Variants in MSR1 observed in about 807,000 individuals in gnomAD.
MSR1 encodes macrophage scavenger receptor 1.
A neutral mutation model predicts 47.2 loss-of-function variants in MSR1; 53 were observed. The observed-to-expected ratio is 1.12, with a 90% CI of 0.90 to 1.41. The LOEUF is 1.41. MSR1 is among the 40% of genes most tolerant of loss of function. The pLI, the probability that MSR1 is intolerant of heterozygous loss-of-function variation, is 0.00. For synonymous variants in MSR1, 239 were observed against 185.6 expected (o/e 1.29, Z -2.34); for missense variants, 786 against 546.9 (o/e 1.44, Z -4.36).
intron 6 of MSR1, among the ~76,000 whole-genome samples, chr8:16,154,560 A>G (rs1400748768): frequency 6.6e-6 from 1 of 151,968 alleles, no homozygotes; most frequent in East Asian, 1.9e-4. Context: ...GTTTAAACAG[A>G]TATATTCCAA....
chr8:16,156,116 G>A (rs137867860), intron 5 of MSR1, among the ~76,000 whole-genome samples: 1 of 151,874 alleles, frequency 6.6e-6, no homozygotes, highest in South Asian at 2.1e-4. Flanking sequence ...ATCTAAAGAA[G>A]AGCACTTAGT....
intron 8 of MSR1, among the ~76,000 whole-genome samples, chr8:16,138,088 T>G (rs7844220): frequency 1.3e-5 from 2 of 151,896 alleles, no homozygotes; most frequent in Non-Finnish European, 2.9e-5. Flanking sequence ...TCATTTAAGA[T>G]TGAGCTGAGT....
intron 1 of MSR1, among the ~76,000 whole-genome samples, chr8:16,189,473 ATATTTTATATATAAAATCT>A (rs1474084046): frequency 0.02 from 6 of 306 alleles, 1 homozygote; most frequent in East Asian, 0.062. Context: ...TATATTTTAT[ATATTTTATATATAAAATCT>A]TATTTTATAT....
At chr8:16,140,533 T>C (rs1251124058) in intron 8 of MSR1, 2 of 998,264 alleles carry the variant, frequency 2.0e-6, no homozygotes, top group African/African-American at 3.5e-5. Context: ...GTAATTGAGA[T>C]ATTTAGGACA....
At chr8:16,189,389 TTATTTTATATATATTTTATATA>T (rs1293904803) in intron 1 of MSR1, among the ~76,000 whole-genome samples, 1 of 90,164 alleles carries the variant, frequency 1.1e-5, no homozygotes, top group Non-Finnish European at 1.8e-5. Flanking sequence ...ATATAAAATC[TTATTTTATATATATTTTATATA>T]TATTTTATAT....
chr8:16,166,413 G>A (rs958212784), intron 4 of MSR1, among the ~76,000 whole-genome samples: 5 of 151,374 alleles, frequency 3.3e-5, no homozygotes, highest in Admixed American at 2.6e-4. Flanking sequence ...CACCCACCTC[G>A]GCCTCCCAAA....
chr8:16,159,425 C>A (rs1250598050), intron 5 of MSR1, among the ~76,000 whole-genome samples: 1 of 151,820 alleles, frequency 6.6e-6, no homozygotes. Flanking sequence ...TTCTTTAAGG[C>A]TCTAATTATT....
At chr8:16,153,253 C>T (rs1800910420) in intron 6 of MSR1, among the ~76,000 whole-genome samples, 1 of 151,954 alleles carries the variant, frequency 6.6e-6, no homozygotes, top group Non-Finnish European at 1.5e-5. Context: ...CTCTTTGCTT[C>T]CTGATTTCGG....
chr8:16,160,358 G>C (rs544055540), intron 5 of MSR1, among the ~76,000 whole-genome samples: 2 of 152,002 alleles, frequency 1.3e-5, no homozygotes, highest in East Asian at 3.9e-4. Context: ...GAATGACACT[G>C]CTATTATAGA....
At chr8:16,173,918 G>A (rs1206426316) in intron 3 of MSR1, among the ~76,000 whole-genome samples, 1 of 152,070 alleles carries the variant, frequency 6.6e-6, no homozygotes, top group Non-Finnish European at 1.5e-5. Flanking sequence ...CAAAGTGCTG[G>A]GATTACAGGC....
At chr8:16,166,309 T>A (rs1801307985) in intron 4 of MSR1, among the ~76,000 whole-genome samples, 1 of 148,210 alleles carries the variant, frequency 6.7e-6, no homozygotes, top group Admixed American at 6.8e-5. Context: ...AGGTGCACAC[T>A]ACCACACCTG....
intron 9 of MSR1, among the ~76,000 whole-genome samples, chr8:16,112,878 T>A (rs545659399): frequency 6.6e-6 from 1 of 151,734 alleles, no homozygotes; most frequent in Admixed American, 6.6e-5. Flanking sequence ...GCCATATATA[T>A]ATCTATGATT....
chr8:16,136,143 G>C (rs75566898), intron 8 of MSR1, among the ~76,000 whole-genome samples: 3,255 of 152,198 alleles, frequency 0.021, 100 homozygotes, highest in South Asian at 0.1. Context: ...TTTGAAAGAA[G>C]TTCTAAAGTG....
At chr8:16,148,053 C>A (rs1800747884) in intron 7 of MSR1, among the ~76,000 whole-genome samples, 1 of 152,112 alleles carries the variant, frequency 6.6e-6, no homozygotes, top group African/African-American at 2.4e-5. Context: ...TTTAGAAATA[C>A]AAACCTAAAG....
chr8:16,138,852 G>A (rs1395550603), intron 8 of MSR1, among the ~76,000 whole-genome samples: 1 of 152,144 alleles, frequency 6.6e-6, no homozygotes, highest in Non-Finnish European at 1.5e-5. Context: ...TTTTATTTCT[G>A]GAGATTTTAA....
intron 8 of MSR1, chr8:16,139,274 G>A (rs1397664214): frequency 1.6e-5 from 16 of 984,430 alleles, no homozygotes; most frequent in Non-Finnish European, 1.9e-5. Flanking sequence ...ATACCAGCGG[G>A]GAAAAGCTAT....
chr8:16,153,108 C>T (rs955197049), intron 6 of MSR1, among the ~76,000 whole-genome samples: 12 of 151,922 alleles, frequency 7.9e-5, no homozygotes, highest in African/African-American at 7.2e-5. Context: ...TGCAGATATT[C>T]GCATCATGAT....
At chr8:16,115,854 G>A (rs2117052697) in intron 9 of MSR1, among the ~76,000 whole-genome samples, 1 of 152,146 alleles carries the variant, frequency 6.6e-6, no homozygotes, top group East Asian at 1.9e-4. Flanking sequence ...CAGGTATGTG[G>A]TGCAGGCCTG....
chr8:16,143,516 A>G (rs1216730357), intron 8 of MSR1, 42 bp downstream of exon 8: 4 of 1,557,748 alleles, frequency 2.6e-6, no homozygotes, highest in Non-Finnish European at 3.5e-6. Flanking sequence ...AGACTTACTT[A>G]TTACAAGAAT....
Sources: gnomAD v4.1 joint callset for allele counts (sites outside exome capture counted in the v4.1 genomes callset) on GRCh38, gnomAD v4.1.1 for gene constraint, MANE v1.5 for transcripts, NCBI Gene and HGNC (gene_info 2026-07-23, HGNC 2026-07-21) for gene names.